The following DNAH11 variants were observed in gnomAD, a reference collection of about 807,000 sequenced individuals.
DNAH11 encodes axonemal beta dynein heavy chain 11.
Under a neutral mutation model 526.0 loss-of-function variants are expected in DNAH11, and 442 were observed. That is an observed-to-expected ratio of 0.84 (90% CI 0.78 to 0.91). The LOEUF (loss-of-function observed/expected upper bound fraction) is 0.91. DNAH11 is among the 40% of genes least tolerant of loss of function. The pLI is 0.00. For synonymous variants in DNAH11, 2,461 were observed against 1,935.9 expected (o/e 1.27, Z -7.12); for missense variants, 6,989 against 5,448.7 (o/e 1.28, Z -8.90).
rs551677167 is a variant in DNAH11 at position 21,895,461 on chromosome 7, G to T, written c.13049+462G>T. ...ATGGTATGCAGTATGCAGTAAACTA[G>T]ACTGGGGGTATAACTGCAGAGATGT... On this transcript the variant is annotated intron_variant, in intron 79 of 81. Coordinates refer to ENST00000409508, the MANE Select transcript of DNAH11 (RefSeq NM_001277115.2). Among the ~76,000 whole-genome samples the T allele has an allele frequency of 2.6e-5, 4 of 152,256 alleles. No individual in the cohort carries two copies. In the East Asian group the frequency reaches 7.7e-4, roughly 29 times the overall value.
intron 68 of DNAH11, among the ~76,000 whole-genome samples, chr7:21,860,145 G>A (rs1310017079): frequency 6.6e-6 from 1 of 152,038 alleles, no homozygotes; most frequent in Non-Finnish European, 1.5e-5. Context: ...CGCACTCCAG[G>A]CTGGATGACA....
intron 25 of DNAH11, among the ~76,000 whole-genome samples, chr7:21,632,231 C>G (rs1019887130): frequency 6.6e-6 from 1 of 152,196 alleles, no homozygotes; most frequent in Admixed American, 6.5e-5. Flanking sequence ...CCAGGAAACC[C>G]CTTTTTCCTC....
At chr7:21,869,672 T>C (rs1783423176) in intron 73 of DNAH11, among the ~76,000 whole-genome samples, 1 of 152,190 alleles carries the variant, frequency 6.6e-6, no homozygotes, top group African/African-American at 2.4e-5. Context: ...GGTCAGAGAT[T>C]CTCTGGGGAC....
chr7:21,799,385 T>G (rs115111200), intron 61 of DNAH11, among the ~76,000 whole-genome samples: 1 of 152,152 alleles, frequency 6.6e-6, no homozygotes, highest in East Asian at 1.9e-4. Flanking sequence ...TTTCCCAGAC[T>G]GGAGTGCAAT....
At chr7:21,632,489 A>G (rs1291180167) in intron 25 of DNAH11, among the ~76,000 whole-genome samples, 4 of 152,012 alleles carry the variant, frequency 2.6e-5, no homozygotes, top group Non-Finnish European at 5.9e-5. Flanking sequence ...CACCCAAGTC[A>G]CCTCTCGAAT....
chr7:21,661,294 G>C (rs187205266), intron 30 of DNAH11, among the ~76,000 whole-genome samples: 93 of 151,908 alleles, frequency 6.1e-4, no homozygotes, highest in Non-Finnish European at 2.2e-4. Flanking sequence ...TCACCTGATT[G>C]CTTATTTGTG....
At chr7:21,661,904 C>T (rs1782256363) in intron 30 of DNAH11, among the ~76,000 whole-genome samples, 1 of 152,090 alleles carries the variant, frequency 6.6e-6, no homozygotes, top group Non-Finnish European at 1.5e-5. Flanking sequence ...ACTGCAACCT[C>T]TACCTTCCAG....
At chr7:21,757,918 C>T (rs1001578426) in intron 54 of DNAH11, among the ~76,000 whole-genome samples, 6 of 152,190 alleles carry the variant, frequency 3.9e-5, no homozygotes, top group Non-Finnish European at 7.3e-5. Context: ...AATCAGATAT[C>T]GCAGAACCTT....
chr7:21,567,932 T>C (rs1008712419), intron 6 of DNAH11, among the ~76,000 whole-genome samples: 1 of 152,140 alleles, frequency 6.6e-6, no homozygotes, highest in African/African-American at 2.4e-5. Flanking sequence ...TTGTGTGTCA[T>C]TACCACTCTA....
At chr7:21,627,936 C>T (rs1246617484) in intron 25 of DNAH11, among the ~76,000 whole-genome samples, 1 of 151,948 alleles carries the variant, frequency 6.6e-6, no homozygotes, top group Non-Finnish European at 1.5e-5. Context: ...TTGTGTGTGT[C>T]TTCAGTTTTT....
At chr7:21,549,059 A>G (rs1396228424) in intron 2 of DNAH11, among the ~76,000 whole-genome samples, 2 of 151,998 alleles carry the variant, frequency 1.3e-5, no homozygotes, top group East Asian at 1.9e-4. Flanking sequence ...TTGTATTTTT[A>G]GTAGAGACAG....
At chr7:21,565,256 C>T (rs759733160) in intron 6 of DNAH11, among the ~76,000 whole-genome samples, 1 of 147,092 alleles carries the variant, frequency 6.8e-6, no homozygotes, top group Non-Finnish European at 1.5e-5. Flanking sequence ...CTCACTTGGC[C>T]ATCTTCCTCT....
rs1272424549 is a variant in DNAH11, at chr7:21,681,535, A to G, written c.5329-11A>G. The G allele has an allele frequency of 1.9e-6, 3 of 1,611,812 alleles. No individual in the cohort carries two copies. Among genetic ancestry groups the G allele is most frequent in the Non-Finnish European group, 2.5e-6 (3 of 1,178,686 alleles). On this transcript the variant is annotated splice_polypyrimidine_tract_variant and intron_variant, in intron 30 of 81. Coordinates refer to ENST00000409508, the MANE Select transcript of DNAH11 (RefSeq NM_001277115.2). ...ACCCTTCTCTCCTTTTTAAAAAATG[A>G]TTCCTTCTAGATTTCTCAGCTGAAT...
chr7:21,872,550 T>G (rs908189634), intron 73 of DNAH11, among the ~76,000 whole-genome samples: 1 of 152,210 alleles, frequency 6.6e-6, no homozygotes, highest in East Asian at 1.9e-4. Context: ...GGTGCAGCCT[T>G]TATATCTCCC....
chr7:21,880,721 C>G lies in DNAH11; in HGVS notation c.12215C>G (p.Ser4072Cys), dbSNP rs1181806604. 1.2e-6 allele frequency: 2 copies of G among 1,613,860 alleles called. No homozygotes were observed. Among genetic ancestry groups the G allele is most frequent in the South Asian group, 2.2e-5 (2 of 91,060 alleles). The change falls in exon 75 of 82, where the codon TCC becomes TGC. Residue 4072 changes from serine (S) to cysteine (C), a missense_variant. Physicochemically the swap from Ser to Cys is moderately radical, Grantham distance 112. Transcript: ENST00000409508. ...TCCCAGGATACACTTGAAATATGCT[C>G]CAAGGAGCAGGAGTTTAAAAGCATC... The part of the protein sequence containing the change: ...NFDQDTLEIC[S>C]KEQEFKSILF...
intron 7 of DNAH11, 37 bp downstream of exon 7, chr7:21,570,336 G>T (rs879632982): frequency 6.5e-7 from 1 of 1,543,744 alleles, no homozygotes; most frequent in African/African-American, 1.4e-5. Context: ...CATGTTGAAG[G>T]TGGGTGCAAA....
At chr7:21,672,645 G>C (rs1358070784) in intron 30 of DNAH11, among the ~76,000 whole-genome samples, 2 of 152,192 alleles carry the variant, frequency 1.3e-5, no homozygotes, top group Non-Finnish European at 2.9e-5. Context: ...ACCATGGCTT[G>C]GGTGTCCCCA....
At chr7:21,624,265 A>G (rs534704753) in intron 25 of DNAH11, among the ~76,000 whole-genome samples, 7 of 152,144 alleles carry the variant, frequency 4.6e-5, no homozygotes, top group East Asian at 1.9e-4. Context: ...GGTTTTTAGT[A>G]TACAGATATT....
At chr7:21,564,860 T>C (rs768354903) in intron 6 of DNAH11, among the ~76,000 whole-genome samples, 1 of 151,998 alleles carries the variant, frequency 6.6e-6, no homozygotes, top group Non-Finnish European at 1.5e-5. Flanking sequence ...ATCTCTTTTG[T>C]AATTGTGTCT....
Sources: allele counts gnomAD v4.1 joint callset (sites outside exome capture counted in the v4.1 genomes callset), GRCh38; gene constraint gnomAD v4.1.1; transcripts MANE v1.5; gene names NCBI Gene and HGNC (gene_info 2026-07-23, HGNC 2026-07-21).